The following PADI3 variants were observed in gnomAD, a reference collection of about 807,000 sequenced individuals.
PADI3 encodes the protein peptidyl arginine deiminase 3.
In PADI3, 53 loss-of-function variants were observed where a neutral mutation model predicts 71.5. That is an observed-to-expected ratio of 0.74 (90% CI 0.59 to 0.93). The LOEUF (loss-of-function observed/expected upper bound fraction) is 0.93, where lower values mean the gene tolerates loss of function less well. PADI3 is among the 40% of genes least tolerant of loss of function. The probability of loss-of-function intolerance (pLI) is 0.00; values close to 1 mark genes in which losing one functional copy is unlikely to be tolerated. For missense variants in PADI3, 821 were observed against 868.0 expected (o/e 0.95, Z 0.68); for synonymous variants, 361 against 347.5 (o/e 1.04, Z -0.43).
At chr1:17,271,005 G>C (rs374292518) in intron 8 of PADI3, 23 bp downstream of exon 8, 1 of 1,611,560 alleles carries the variant, frequency 6.2e-7, no homozygotes, top group African/African-American at 1.3e-5. Context: ...GCAGTGGGTG[G>C]TCCCTCTGGC....
intron 13 of PADI3, among the ~76,000 whole-genome samples, chr1:17,279,554 C>T (rs150469693): frequency 6.6e-6 from 1 of 152,120 alleles, no homozygotes; most frequent in African/African-American, 2.4e-5. Context: ...AGGCCCTGTG[C>T]GAGCCCTGGG....
intron 6 of PADI3, among the ~76,000 whole-genome samples, chr1:17,269,816 A>G (rs574680392): frequency 5.9e-4 from 90 of 152,130 alleles, no homozygotes; most frequent in South Asian, 1.5e-3. Flanking sequence ...ACAGGGTTTC[A>G]CTATGTTAGC....
intron 2 of PADI3, among the ~76,000 whole-genome samples, chr1:17,260,641 C>T (rs2073091849): frequency 6.6e-6 from 1 of 152,182 alleles, no homozygotes; most frequent in Non-Finnish European, 1.5e-5. Flanking sequence ...GGGCAGTCTC[C>T]CTCCATCACC....
Position 17,265,641 on chromosome 1 carries a change from C to A in PADI3, c.347-18C>A. 1 of 1,613,262 alleles carries A rather than the reference C, an allele frequency of 6.2e-7. No homozygotes were observed. The highest frequency in any genetic ancestry group is 8.5e-7 in the Non-Finnish European group (1 of 1,179,226). On this transcript the variant is annotated intron_variant, in intron 3 of 15. Transcript: ENST00000375460. ...CCTGGGAACCTTGTAGTGACTTACC[C>A]TCTGCCTCCTCTTGCAGACATCTCT...
Position 17,262,127 on chromosome 1 carries a change from C to T in PADI3, c.274-6C>T. 1 of 1,613,422 alleles carries T rather than the reference C, an allele frequency of 6.2e-7. No individual in the cohort carries two copies. The highest frequency in any genetic ancestry group is 8.5e-7 in the Non-Finnish European group (1 of 1,179,656). On this transcript the variant is annotated splice_polypyrimidine_tract_variant and splice_region_variant and intron_variant, in intron 2 of 15. Coordinates refer to ENST00000375460, the MANE Select transcript of PADI3 (RefSeq NM_016233.2). ...CTGGTATTACTCTGCGCCCAACTCT[C>T]CACAGGTTCAGATTTCCTACCACTC... is the stretch of plus-strand genomic sequence containing the variant.
At chr1:17,276,487 A>G in intron 11 of PADI3, 32 bp from the exon 12 acceptor site, 1 of 1,612,604 alleles carries the variant, frequency 6.2e-7, no homozygotes. Flanking sequence ...TTTTTAGTTA[A>G]GCAACTTTTT....
chr1:17,255,849 G>A (rs1228228552), intron 1 of PADI3, among the ~76,000 whole-genome samples: 1 of 152,130 alleles, frequency 6.6e-6, no homozygotes, highest in Non-Finnish European at 1.5e-5. Flanking sequence ...GAGGGAGGCA[G>A]TCACTCGCTC....
chr1:17,282,926 G>A lies in PADI3; in HGVS notation c.1842G>A (p.Glu614=), dbSNP rs2100608966. The A allele has an allele frequency of 6.2e-7, 1 of 1,614,160 alleles. No individual in the cohort carries two copies. The highest frequency in any genetic ancestry group is 2.2e-5 in the East Asian group (1 of 44,862). ...GPIINGCCCL[E]EKVRSLLEPL... ...TCATCAATGGCTGCTGCTGCCTGGAGGAGAAGGTGCGGTCCCTGCTGGAGC... is the reference window on the plus strand; with the variant it reads ...TCATCAATGGCTGCTGCTGCCTGGAAGAGAAGGTGCGGTCCCTGCTGGAGC... Residue 614 remains glutamate (E), a synonymous_variant, in exon 16 of 16, where the codon GAG becomes GAA. Coordinates refer to ENST00000375460, the MANE Select transcript of PADI3 (RefSeq NM_016233.2).
chr1:17,252,483 G>C (rs916246795), intron 1 of PADI3, among the ~76,000 whole-genome samples: 8 of 150,230 alleles, frequency 5.3e-5, no homozygotes, highest in Non-Finnish European at 8.9e-5. Flanking sequence ...GCTTACTGCA[G>C]CCTGGACCTC....
chr1:17,268,793 C>T (rs113950467), intron 6 of PADI3, among the ~76,000 whole-genome samples: 16,504 of 151,912 alleles, frequency 0.11, 967 homozygotes, highest in African/African-American at 0.12. Flanking sequence ...AGGCGTGAGC[C>T]ACCGTGCCTG....
At chr1:17,259,379 G>GT (rs2073071425) in intron 1 of PADI3, among the ~76,000 whole-genome samples, 199 bp from the exon 2 acceptor site, 1 of 152,220 alleles carries the variant, frequency 6.6e-6, no homozygotes, top group South Asian at 2.1e-4. Context: ...GATTAAAGGA[G>GT]TGAGTCACCA....
chr1:17,281,070 G>T (rs1319512355), intron 15 of PADI3, among the ~76,000 whole-genome samples: 62 of 152,244 alleles, frequency 4.1e-4, no homozygotes, highest in Non-Finnish European at 5.9e-5. Context: ...ATTGCATGAG[G>T]TCACGTGTGC....
At chr1:17,265,029 A>G (rs17458002) in intron 3 of PADI3, among the ~76,000 whole-genome samples, 12,328 of 148,982 alleles carry the variant, frequency 0.083, 587 homozygotes, top group Non-Finnish European at 0.1. Context: ...AAAAAATCCT[A>G]TCTAATGTAT....
intron 9 of PADI3, 93 bp from the exon 10 acceptor site, chr1:17,273,247 T>C: frequency 1.1e-6 from 1 of 911,388 alleles, no homozygotes; most frequent in Admixed American, 2.4e-5. Flanking sequence ...GGGGACTTGG[T>C]GAGCAGTCTG....
chr1:17,276,546 G>T lies in PADI3; in HGVS notation c.1335G>T (p.Val445=). ...PGSSGRRVTQ[V]VRDFLHAQKV... is the part of the protein sequence containing the mutation. ...CAAGTGGCCGCAGGGTCACCCAGGT[G>T]GTGCGGGACTTCCTCCATGCCCAGA... Residue 445 remains valine (V), a synonymous_variant, in exon 12 of 16, where the codon GTG becomes GTT. Coordinates refer to ENST00000375460, the MANE Select transcript of PADI3 (RefSeq NM_016233.2). The T allele has an allele frequency of 1.2e-6, 2 of 1,614,146 alleles. No homozygotes were observed. Among genetic ancestry groups the T allele is most frequent in the South Asian group, 1.1e-5 (1 of 91,086 alleles).
intron 13 of PADI3, among the ~76,000 whole-genome samples, chr1:17,278,434 G>T (rs2073361598): frequency 6.6e-6 from 1 of 152,102 alleles, no homozygotes. Context: ...TCACCGTGTT[G>T]CCCAGGCTGG....
chr1:17,274,143 C>T (rs1482648817), intron 10 of PADI3, among the ~76,000 whole-genome samples: 1 of 152,254 alleles, frequency 6.6e-6, no homozygotes, highest in Non-Finnish European at 1.5e-5. Context: ...GGAGCTCTCT[C>T]TCCTGACCCT....
rs571008816 is a variant in PADI3, at chr1:17,273,315, G to C, written c.1048-25G>C. 5 of 1,579,540 alleles carry C rather than the reference G, an allele frequency of 3.2e-6. No individual in the cohort carries two copies. In the South Asian group the frequency reaches 4.5e-5, roughly 14 times the overall value. On this transcript the variant is annotated intron_variant, in intron 9 of 15. Transcript: ENST00000375460. The stretch of plus-strand genomic sequence containing the variant: ...CAGCTGTTGACTGTCACAGCTGTGC[G>C]TCTCTCGCCTCTCCTCACTTGCAGG...
intron 9 of PADI3, among the ~76,000 whole-genome samples, 200 bp downstream of exon 9, chr1:17,271,378 C>T (rs1473798578): frequency 1.3e-5 from 2 of 152,196 alleles, no homozygotes; most frequent in Non-Finnish European, 2.9e-5. Context: ...CACCCATTCA[C>T]CCACCGGATC....
Sources: allele counts gnomAD v4.1 joint callset (sites outside exome capture counted in the v4.1 genomes callset), GRCh38; gene constraint gnomAD v4.1.1; transcripts MANE v1.5; gene names NCBI Gene and HGNC (gene_info 2026-07-23, HGNC 2026-07-21).